FEZ1: variants seen among roughly 807,000 people sequenced by gnomAD.
FEZ1 encodes the protein fasciculation and elongation protein zeta-1.
In FEZ1, 20 loss-of-function variants were observed where a neutral mutation model predicts 49.3. The ratio of observed to expected loss-of-function variants is 0.41; its 90% CI spans 0.29 to 0.59. FEZ1 has a LOEUF of 0.59. Ranked by LOEUF, FEZ1 falls within the 20% of genes least tolerant of loss-of-function variation. The pLI is 0.36. For missense variants in FEZ1, 413 were observed against 476.0 expected (o/e 0.87, Z 1.23); for synonymous variants, 170 against 180.9 (o/e 0.94, Z 0.48).
At chr11:125,462,422 G>C (rs1160660623) in intron 4 of FEZ1, among the ~76,000 whole-genome samples, 1 of 152,208 alleles carries the variant, frequency 6.6e-6, no homozygotes, top group African/African-American at 2.4e-5. Flanking sequence ...AAAATTTTGA[G>C]TGTTCTATGA....
At chr11:125,471,877 T>A (rs1313904718) in intron 3 of FEZ1, among the ~76,000 whole-genome samples, 3 of 152,056 alleles carry the variant, frequency 2.0e-5, no homozygotes, top group Non-Finnish European at 4.4e-5. Context: ...CCTAAATCAG[T>A]CTGAACGTAT....
intron 1 of FEZ1, among the ~76,000 whole-genome samples, chr11:125,493,351 A>G (rs1001747192): frequency 7.0e-6 from 1 of 142,020 alleles, no homozygotes; most frequent in South Asian, 2.2e-4. Flanking sequence ...GAAAGAAAGA[A>G]AGAAAGAGAG....
rs193265230 is a variant in FEZ1, at chr11:125,486,148, A to G, written c.311+3319T>C. ...TATTTACTTGTCTTCAACATGTAGTATATCTGATGACAGGCAGTTTATTGT... is the reference window on the plus strand; with the variant it reads ...TATTTACTTGTCTTCAACATGTAGTGTATCTGATGACAGGCAGTTTATTGT... On this transcript the variant is annotated intron_variant, in intron 2 of 9. Coordinates refer to ENST00000278919, the MANE Select transcript of FEZ1 (RefSeq NM_005103.5). 2.6e-5 allele frequency among the ~76,000 whole-genome samples: 4 copies of G among 152,324 alleles called. No homozygotes were observed. The East Asian group carries it at 7.7e-4, about 29-fold the overall frequency.
rs777718274 is a variant in FEZ1, at chr11:125,489,501, T to A, written c.277A>T (p.Ile93Phe). The change falls in exon 2 of 10, where the codon ATC (isoleucine) becomes TTC (phenylalanine). Residue 93 changes from isoleucine (I) to phenylalanine (F), a missense_variant. Physicochemically the swap from Ile to Phe is conservative, Grantham distance 21 (BLOSUM62 0). Transcript: ENST00000278919. The surrounding 1 kb of genome is among the most constrained non-coding windows in gnomAD (Gnocchi z 4.2). The part of the protein sequence containing the change: ...NLAPVKNQLQ[I>F]QEEEETLQDE... ...TGAAGGGTCTCCTCCTCCTCTTGGA[T>A]CTGTAACTGGTTCTTCACGGGAGCT... is the stretch of plus-strand genomic sequence containing the variant. The A allele has an allele frequency of 6.2e-7, 1 of 1,613,944 alleles. No individual in the cohort carries two copies. Among genetic ancestry groups the A allele is most frequent in the African/African-American group, 1.3e-5 (1 of 74,922 alleles).
chr11:125,488,635 G>T (rs1182522377), intron 2 of FEZ1: 6 of 807,454 alleles, frequency 7.4e-6, no homozygotes, highest in Non-Finnish European at 9.0e-6. Flanking sequence ...AGCCAAAATT[G>T]TGCCATTGCA....
chr11:125,447,515 G>A (rs1464160905), intron 9 of FEZ1, among the ~76,000 whole-genome samples: 2 of 152,164 alleles, frequency 1.3e-5, no homozygotes, highest in Non-Finnish European at 2.9e-5. Flanking sequence ...AATACTGATT[G>A]GATAGTCAGT....
chr11:125,483,770 G>T (rs1957304772), intron 2 of FEZ1, among the ~76,000 whole-genome samples: 1 of 152,224 alleles, frequency 6.6e-6, no homozygotes, highest in Admixed American at 6.5e-5. Context: ...GGAGCCTTTT[G>T]TATCTCTCCC....
chr11:125,476,312 TAA>T (rs994750858), intron 3 of FEZ1, among the ~76,000 whole-genome samples: 1 of 152,136 alleles, frequency 6.6e-6, no homozygotes, highest in Non-Finnish European at 1.5e-5. Flanking sequence ...CAGAATAAAA[TAA>T]AATGATAATA....
chr11:125,484,684 GA>G (rs1416029947), intron 2 of FEZ1, among the ~76,000 whole-genome samples: 2 of 143,226 alleles, frequency 1.4e-5, no homozygotes, highest in African/African-American at 5.2e-5. Flanking sequence ...AAAAAAAGAA[GA>G]AAAGAAAAAA....
chr11:125,475,024 C>T (rs2135768969), intron 3 of FEZ1, among the ~76,000 whole-genome samples: 1 of 152,310 alleles, frequency 6.6e-6, no homozygotes, highest in Admixed American at 6.5e-5. Context: ...AATCCCAGCA[C>T]TTTGGGAGGC....
In FEZ1 at chr11:125,474,525, G is replaced by A. The variant is rs576548822; in HGVS notation, c.411+7009C>T. 1.0e-3 allele frequency among the ~76,000 whole-genome samples: 153 copies of A among 152,188 alleles called. 1 individual carries two copies. The highest frequency in any genetic ancestry group is 1.9e-3 in the Non-Finnish European group (128 of 68,012). On this transcript the variant is annotated intron_variant, in intron 3 of 9. Coordinates refer to ENST00000278919, the MANE Select transcript of FEZ1 (RefSeq NM_005103.5). ...AAGATAATGTTAAGAAAATTAAAAG[G>A]CAACCTATAGACTAGGAGAAAATAT... is the stretch of plus-strand genomic sequence containing the variant.
At chr11:125,488,857 A>G (rs900900154) in intron 2 of FEZ1, 5 of 985,306 alleles carry the variant, frequency 5.1e-6, no homozygotes, top group Admixed American at 6.1e-5. Context: ...CTTGACTACT[A>G]TTAAGACCCT....
intron 7 of FEZ1, 199 bp downstream of exon 7, chr11:125,453,928 CAAA>C (rs34707154): frequency 0.032 from 7,794 of 242,390 alleles, no homozygotes; most frequent in South Asian, 0.049. Flanking sequence ...CACTAGAGCT[CAAA>C]AAAAAAAAAA....
At chr11:125,493,978 A>G (rs562613294) in intron 1 of FEZ1, among the ~76,000 whole-genome samples, 11 of 152,068 alleles carry the variant, frequency 7.2e-5, no homozygotes, top group Non-Finnish European at 1.5e-4. Context: ...CTGCCCAGGC[A>G]GAGTGTAGAG....
intron 3 of FEZ1, among the ~76,000 whole-genome samples, chr11:125,471,661 C>T (rs892021203): frequency 6.6e-6 from 1 of 152,056 alleles, no homozygotes; most frequent in Admixed American, 6.6e-5. Context: ...AAATGCACAA[C>T]AATGGTTGGA....
At chr11:125,454,609 G>GT (rs1165931659) in intron 6 of FEZ1, among the ~76,000 whole-genome samples, 2 of 152,230 alleles carry the variant, frequency 1.3e-5, no homozygotes, top group Non-Finnish European at 2.9e-5. Flanking sequence ...GATGGGGGAA[G>GT]TTTTTTTCAA....
intron 3 of FEZ1, among the ~76,000 whole-genome samples, chr11:125,480,787 C>T (rs1439224016): frequency 1.3e-5 from 2 of 152,138 alleles, no homozygotes; most frequent in Non-Finnish European, 2.9e-5. Flanking sequence ...CGCCTGTAAT[C>T]CCAGCACTTT....
At position 125,454,456 on chromosome 11, in the gene FEZ1, CCA is replaced by C. The variant is rs3214526; in HGVS notation, c.940-248_940-247del. 3 of 366,062 alleles carry C rather than the reference CCA, an allele frequency of 8.2e-6. No individual in the cohort carries two copies. In the East Asian group the frequency reaches 1.2e-4, roughly 15 times the overall value. 22.7% of individuals were successfully genotyped at this position (366,062 alleles called of 1,614,324 possible). ...GGGCTACAAGACCCCTCTGCATCCC[CCA>C]GTTTTCCTCCTTTTATCCTCCATCA... On this transcript the variant is annotated intron_variant, in intron 6 of 9. Transcript: ENST00000278919.
chr11:125,471,368 C>T lies in FEZ1; in HGVS notation c.412-7798G>A, dbSNP rs555759653. 1.1e-3 allele frequency among the ~76,000 whole-genome samples: 166 copies of T among 151,858 alleles called. No homozygotes were observed. The South Asian group carries it at 0.014, about 13-fold the overall frequency. ...AAAACAAGATCCAAGTATACACTAC[C>T]TGCAAAAACACACTTTAAATAAAAA... On this transcript the variant is annotated intron_variant, in intron 3 of 9. Coordinates refer to ENST00000278919, the MANE Select transcript of FEZ1 (RefSeq NM_005103.5).
Sources: allele counts gnomAD v4.1 joint callset (sites outside exome capture counted in the v4.1 genomes callset), GRCh38; gene constraint gnomAD v4.1.1; non-coding constraint Gnocchi (gnomAD v3.1); transcripts MANE v1.5; gene names NCBI Gene and HGNC (gene_info 2026-07-23, HGNC 2026-07-21).